Variants in NRXN3 observed in about 807,000 individuals in gnomAD.
The protein encoded by NRXN3 is neurexin 3, also known as neurexin III.
Under a neutral mutation model 137.6 loss-of-function variants are expected in NRXN3, and 32 were observed. The ratio of observed to expected loss-of-function variants is 0.23; its 90% CI spans 0.18 to 0.31. NRXN3 has a LOEUF of 0.31. NRXN3 is among the 10% of genes least tolerant of loss of function. The pLI, the probability that NRXN3 is intolerant of heterozygous loss-of-function variation, is 1.00. For synonymous variants in NRXN3, 798 were observed against 784.5 expected, an observed-to-expected ratio of 1.02 and a Z score of -0.29; for missense variants, 1,574 against 2,062.5, an observed-to-expected ratio of 0.76 and a Z score of 4.59.
At position 79,739,648 on chromosome 14, in the gene NRXN3, C is replaced by CAAAAAAAAAAAAAA. The variant is rs72347811; in HGVS notation, c.4014+41727_4014+41740dup. Among the ~76,000 whole-genome samples, 11 of 31,824 alleles carry CAAAAAAAAAAAAAA rather than the reference C, an allele frequency of 3.5e-4. 1 individual carries two copies. The highest frequency in any genetic ancestry group is 1.2e-3 in the East Asian group (1 of 828). The allele number at this position is 31,824 out of a possible 152,430, so 20.9% of individuals were successfully genotyped here. A position where few individuals can be genotyped will look rare whatever the true frequency, so the allele number is the denominator to read the frequency against. On this transcript the variant is annotated intron_variant, in intron 19 of 20. Transcript: ENST00000335750. ...TGGGTGACAGAACGAGACTCTGCCT[C>CAAAAAAAAAAAAAA]AAAAAAAAAAAAAAAAAAAAAAAAA... is the stretch of plus-strand genomic sequence containing the variant.
At chr14:78,923,709 G>T (rs1294312891) in intron 10 of NRXN3, among the ~76,000 whole-genome samples, 1 of 152,186 alleles carries the variant, frequency 6.6e-6, no homozygotes, top group Non-Finnish European at 1.5e-5. Context: ...CTGTGCGTGT[G>T]CCTGAGCATT....
At chr14:78,192,691 A>G (rs2060858795) in intron 1 of NRXN3, among the ~76,000 whole-genome samples, 1 of 152,156 alleles carries the variant, frequency 6.6e-6, no homozygotes, top group Non-Finnish European at 1.5e-5. Flanking sequence ...GTGAGGAGCC[A>G]TCAGACGCTT....
At chr14:79,341,850 T>G (rs1469928220) in intron 15 of NRXN3, among the ~76,000 whole-genome samples, 1 of 152,110 alleles carries the variant, frequency 6.6e-6, no homozygotes, top group South Asian at 2.1e-4. Context: ...CCCCAAAGGT[T>G]AAAAACAAAA....
At chr14:78,359,574 A>G (rs539084974) in intron 4 of NRXN3, among the ~76,000 whole-genome samples, 3 of 152,140 alleles carry the variant, frequency 2.0e-5, no homozygotes, top group South Asian at 4.1e-4. Context: ...CAACATCCCC[A>G]TATAAGAAAC....
chr14:79,267,097 T>G (rs2078558800), intron 15 of NRXN3, among the ~76,000 whole-genome samples: 1 of 152,156 alleles, frequency 6.6e-6, no homozygotes, highest in Non-Finnish European at 1.5e-5. Flanking sequence ...CTGACTATCA[T>G]TTGTATGTCA....
intron 15 of NRXN3, among the ~76,000 whole-genome samples, chr14:79,410,593 A>G (rs1285811125): frequency 6.6e-6 from 1 of 151,988 alleles, no homozygotes; most frequent in African/African-American, 2.4e-5. Flanking sequence ...TTCTTGCTCC[A>G]CTAGTTATGT....
At chr14:79,114,453 C>T (rs763550833) in intron 15 of NRXN3, among the ~76,000 whole-genome samples, 4 of 152,052 alleles carry the variant, frequency 2.6e-5, no homozygotes, top group South Asian at 2.1e-4. Flanking sequence ...CTCCAGGAAT[C>T]GAGACCTGTT....
chr14:79,257,403 G>A (rs1160313503), intron 15 of NRXN3, among the ~76,000 whole-genome samples: 10 of 87,486 alleles, frequency 1.1e-4, no homozygotes, highest in South Asian at 4.4e-4. Context: ...GGTGGTGGTG[G>A]TGGTGGTGGT....
At chr14:78,717,838 G>A (rs2098441099) in intron 8 of NRXN3, among the ~76,000 whole-genome samples, 1 of 152,196 alleles carries the variant, frequency 6.6e-6, no homozygotes, top group Admixed American at 6.5e-5. Context: ...GAAAATGTGA[G>A]AAATGTTTAA....
chr14:79,093,828 G>A (rs769010983), intron 15 of NRXN3, among the ~76,000 whole-genome samples: 8 of 152,116 alleles, frequency 5.3e-5, no homozygotes, highest in African/African-American at 9.7e-5. Context: ...AGAGTATGGG[G>A]CCTGGTCTAT....
At chr14:79,787,299 G>A (rs565874989) in intron 19 of NRXN3, among the ~76,000 whole-genome samples, 32 of 152,076 alleles carry the variant, frequency 2.1e-4, no homozygotes, top group East Asian at 7.7e-4. Flanking sequence ...ATATAGGTAC[G>A]ACGTGATGTT....
chr14:78,974,911 A>G (rs2099458962), intron 14 of NRXN3, among the ~76,000 whole-genome samples: 1 of 152,188 alleles, frequency 6.6e-6, no homozygotes, highest in African/African-American at 2.4e-5. Context: ...TGTATTCAGA[A>G]GGAAATATAA....
At chr14:78,732,551 C>T (rs749558179) in intron 8 of NRXN3, among the ~76,000 whole-genome samples, 3 of 152,162 alleles carry the variant, frequency 2.0e-5, no homozygotes, top group Non-Finnish European at 2.9e-5. Context: ...CTCCACTGCC[C>T]ATTTTCTGTT....
At chr14:79,161,359 C>T (rs753397234) in intron 15 of NRXN3, among the ~76,000 whole-genome samples, 1 of 151,910 alleles carries the variant, frequency 6.6e-6, no homozygotes, top group African/African-American at 2.4e-5. Flanking sequence ...GAAACTTCTG[C>T]ATTCTAGAAT....
Position 79,508,390 on chromosome 14 carries a change from A to ATTTT in NRXN3, c.3444+41001_3444+41004dup, listed in dbSNP as rs528502246. 2.1e-3 allele frequency among the ~76,000 whole-genome samples: 100 copies of ATTTT among 48,226 alleles called. 16 individuals are homozygous for ATTTT. The highest frequency in any genetic ancestry group is 5.8e-3 in the African/African-American group (79 of 13,736). 31.6% of individuals were successfully genotyped at this position (48,226 alleles called of 152,430 possible). A position where few individuals can be genotyped will look rare whatever the true frequency, so the allele number is the denominator to read the frequency against. ...AATTTTCTTTATAAAACAATAACTG[A>ATTTT]TTTTTTTTTTTTTTTTAAGACAGAG... On this transcript the variant is annotated intron_variant, in intron 16 of 20. Coordinates refer to ENST00000335750, the MANE Select transcript of NRXN3 (RefSeq NM_001330195.2).
chr14:79,200,317 T>G (rs2065791872), intron 15 of NRXN3, among the ~76,000 whole-genome samples: 1 of 152,196 alleles, frequency 6.6e-6, no homozygotes, highest in Non-Finnish European at 1.5e-5. Context: ...TGGATGATAC[T>G]CTACAGAAAA....
chr14:78,282,141 C>A (rs764484331), intron 3 of NRXN3: 2 of 502,812 alleles, frequency 4.0e-6, no homozygotes, highest in East Asian at 5.6e-5. Context: ...CTGGCAGGGA[C>A]CCCTGTCAGG....
chr14:78,610,532 A>C lies in NRXN3; in HGVS notation c.758-34588A>C, dbSNP rs2097291925. On this transcript the variant is annotated intron_variant, in intron 4 of 20. Coordinates refer to ENST00000335750, the MANE Select transcript of NRXN3 (RefSeq NM_001330195.2). ...TGCAAACTGTCTCTGTTTGATATTA[A>C]AATTTGTAATGGGGAAACACTCACT... Among the ~76,000 whole-genome samples, 7 of 152,314 alleles carry C rather than the reference A, an allele frequency of 4.6e-5. 1 individual carries two copies. The South Asian group carries it at 1.4e-3, about 32-fold the overall frequency.
intron 4 of NRXN3, among the ~76,000 whole-genome samples, chr14:78,355,279 G>A (rs903885421): frequency 1.3e-5 from 2 of 151,844 alleles, no homozygotes; most frequent in African/African-American, 4.8e-5. Context: ...TCCCTTTGAG[G>A]GAGCACAGTG....
Sources: allele counts gnomAD v4.1 joint callset (sites outside exome capture counted in the v4.1 genomes callset), GRCh38; gene constraint gnomAD v4.1.1; transcripts MANE v1.5; gene names NCBI Gene and HGNC (gene_info 2026-07-23, HGNC 2026-07-21).